PLCL2: variants seen among roughly 807,000 people sequenced by gnomAD.
The protein encoded by PLCL2 is phospholipase C like 2, also known as inactive phospholipase C-like protein 2.
In PLCL2, 4 loss-of-function variants were observed where a neutral mutation model predicts 79.6. That is an observed-to-expected ratio of 0.05 (90% CI 0.02 to 0.11). The LOEUF (loss-of-function observed/expected upper bound fraction) is 0.11. Among genes scored for constraint, PLCL2 ranks in the 10% least tolerant of loss-of-function variants. The pLI, the probability that PLCL2 is intolerant of heterozygous loss-of-function variation, is 1.00. For synonymous variants in PLCL2, 484 were observed against 457.7 expected (o/e 1.06, Z -0.73); for missense variants, 895 against 1,291.0 (o/e 0.69, Z 4.70).
chr3:17,049,843 AT>A (rs533093790), intron 4 of PLCL2, among the ~76,000 whole-genome samples: 72 of 152,338 alleles, frequency 4.7e-4, no homozygotes, highest in African/African-American at 1.7e-3. Flanking sequence ...CCTAACATTT[AT>A]ATGGAACCCC....
At position 17,010,230 on chromosome 3, in the gene PLCL2, G is replaced by A. The variant is rs1354012781; in HGVS notation, c.884G>A (p.Cys295Tyr). The change falls in exon 2 of 6, where the codon TGT becomes TAT. Residue 295 changes from cysteine (C) to tyrosine (Y), a missense_variant. Physicochemically the swap from Cys to Tyr is radical, Grantham distance 194. Coordinates refer to ENST00000615277, the MANE Select transcript of PLCL2 (RefSeq NM_001144382.2). The surrounding 1 kb of genome is among the most constrained non-coding windows in gnomAD (Gnocchi z 5.8). ...GHITLCNAVQCIRNLNPGLKT... is the reference protein window; with the variant it reads ...GHITLCNAVQYIRNLNPGLKT... ...ATAACTCTGTGTAATGCTGTGCAAT[G>A]TATCAGAAACCTCAATCCTGGTTTA... The A allele has an allele frequency of 5.0e-6, 8 of 1,613,936 alleles. No homozygotes were observed. Among genetic ancestry groups the A allele is most frequent in the Non-Finnish European group, 6.8e-6 (8 of 1,179,808 alleles).
At chr3:16,894,116 C>A (rs1230452154) in intron 1 of PLCL2, among the ~76,000 whole-genome samples, 2 of 152,010 alleles carry the variant, frequency 1.3e-5, no homozygotes, top group Non-Finnish European at 2.9e-5. Flanking sequence ...TTTCCTGCTA[C>A]CTTTTATTTT....
At chr3:17,051,749 TGGA>T (rs1344189847) in intron 4 of PLCL2, among the ~76,000 whole-genome samples, 1 of 152,196 alleles carries the variant, frequency 6.6e-6, no homozygotes, top group Non-Finnish European at 1.5e-5. Flanking sequence ...TTGTACAACA[TGGA>T]GGCCTGAACA....
At chr3:16,954,028 A>G (rs1488343046) in intron 1 of PLCL2, among the ~76,000 whole-genome samples, 1 of 151,802 alleles carries the variant, frequency 6.6e-6, no homozygotes, top group Non-Finnish European at 1.5e-5. Context: ...TTTGTTTTTA[A>G]TTTTATTATT....
chr3:16,929,504 T>C (rs1003589722), intron 1 of PLCL2, among the ~76,000 whole-genome samples: 1 of 152,218 alleles, frequency 6.6e-6, no homozygotes, highest in Admixed American at 6.5e-5. Context: ...TCTTAACTTT[T>C]AGAGAAAGCC....
chr3:16,896,415 A>C (rs76106175), intron 1 of PLCL2, among the ~76,000 whole-genome samples: 4,850 of 152,316 alleles, frequency 0.032, 118 homozygotes, highest in South Asian at 0.056. Context: ...TTGACACATT[A>C]GTGAAGAGTG....
chr3:17,089,120 AG>A (rs1003440274), intron 5 of PLCL2, among the ~76,000 whole-genome samples: 1 of 150,230 alleles, frequency 6.7e-6, no homozygotes, highest in African/African-American at 2.5e-5. Context: ...GGTGGAGAGG[AG>A]GGGTGGGTGT....
chr3:16,898,533 C>T (rs988080140), intron 1 of PLCL2, among the ~76,000 whole-genome samples: 11 of 152,270 alleles, frequency 7.2e-5, no homozygotes, highest in South Asian at 4.1e-4. Flanking sequence ...TGAAATAGTG[C>T]GAGAGAAACA....
At chr3:17,064,396 C>T (rs1284166797) in intron 4 of PLCL2, among the ~76,000 whole-genome samples, 1 of 152,114 alleles carries the variant, frequency 6.6e-6, no homozygotes, top group African/African-American at 2.4e-5. Context: ...AATTATTTTA[C>T]ACATATGATT....
At chr3:16,924,563 A>G (rs1697200624) in intron 1 of PLCL2, among the ~76,000 whole-genome samples, 2 of 152,228 alleles carry the variant, frequency 1.3e-5, no homozygotes, top group South Asian at 4.1e-4. Flanking sequence ...GGTCAGCCAG[A>G]GGTGAGAGTT....
At position 16,946,350 on chromosome 3, in the gene PLCL2, A is replaced by G. The variant is rs544055466; in HGVS notation, c.327+60984A>G. 1.9e-4 allele frequency among the ~76,000 whole-genome samples: 29 copies of G among 151,826 alleles called. 1 individual carries two copies. Among genetic ancestry groups the G allele is most frequent in the East Asian group, 7.7e-4 (4 of 5,174 alleles). ...CAGTCTTCGTTCTCCTTCAGTTACT[A>G]TTGTTTTTCTTCATATACTAGATGG... On this transcript the variant is annotated intron_variant, in intron 1 of 5. Transcript: ENST00000615277.
chr3:16,998,083 A>G (rs1029333093), intron 1 of PLCL2, among the ~76,000 whole-genome samples: 1 of 152,166 alleles, frequency 6.6e-6, no homozygotes, highest in African/African-American at 2.4e-5. Flanking sequence ...TTGCCCCTGC[A>G]TGCTGATGGA....
chr3:16,889,235 A>G (rs1225651904), intron 1 of PLCL2, among the ~76,000 whole-genome samples: 1 of 152,132 alleles, frequency 6.6e-6, no homozygotes, highest in African/African-American at 2.4e-5. Context: ...AGAGAGGTTA[A>G]CCCTGTGCCC....
chr3:16,902,165 G>T (rs907493019), intron 1 of PLCL2, among the ~76,000 whole-genome samples: 1 of 152,038 alleles, frequency 6.6e-6, no homozygotes, highest in Non-Finnish European at 1.5e-5. Flanking sequence ...CTCCTATCTG[G>T]TCCTTTTCTG....
At chr3:16,896,343 G>A (rs1054592327) in intron 1 of PLCL2, among the ~76,000 whole-genome samples, 1 of 152,176 alleles carries the variant, frequency 6.6e-6, no homozygotes, top group Non-Finnish European at 1.5e-5. Flanking sequence ...GGAAGAGCCT[G>A]AGGACTGGAT....
chr3:17,080,067 G>C (rs148685510), intron 5 of PLCL2, among the ~76,000 whole-genome samples: 1 of 152,210 alleles, frequency 6.6e-6, no homozygotes, highest in Non-Finnish European at 1.5e-5. Flanking sequence ...TCAGGGTGGA[G>C]GGAAGGCGGT....
In PLCL2 at chr3:16,938,590, A is replaced by G. The variant is rs79838501; in HGVS notation, c.327+53224A>G. Among the ~76,000 whole-genome samples the G allele has an allele frequency of 7.8e-3, 1,189 of 152,324 alleles. 17 individuals are homozygous for G. The highest frequency in any genetic ancestry group is 0.027 in the African/African-American group (1,114 of 41,570). On this transcript the variant is annotated intron_variant, in intron 1 of 5. Coordinates refer to ENST00000615277, the MANE Select transcript of PLCL2 (RefSeq NM_001144382.2). ...TTGTCCCTTATTTAAATACATTTCT[A>G]TGTGAAACCAGGAAATAGTAATCTT...
At chr3:16,891,834 C>G (rs1696358758) in intron 1 of PLCL2, among the ~76,000 whole-genome samples, 1 of 152,200 alleles carries the variant, frequency 6.6e-6, no homozygotes, top group South Asian at 2.1e-4. Context: ...TAAACTTAGC[C>G]TTTATGGTGA....
At chr3:16,928,226 G>T (rs1427793353) in intron 1 of PLCL2, among the ~76,000 whole-genome samples, 1 of 152,196 alleles carries the variant, frequency 6.6e-6, no homozygotes, top group Non-Finnish European at 1.5e-5. Context: ...TAGGAGGGAG[G>T]CCCTCCAAGA....
Sources: gnomAD v4.1 joint callset for allele counts (sites outside exome capture counted in the v4.1 genomes callset) on GRCh38, gnomAD v4.1.1 for gene constraint, Gnocchi (gnomAD v3.1) non-coding constraint, MANE v1.5 for transcripts, NCBI Gene and HGNC (gene_info 2026-07-23, HGNC 2026-07-21) for gene names.